Variants in PTPN7 observed in about 807,000 individuals in gnomAD.
PTPN7 encodes the protein protein tyrosine phosphatase non-receptor type 7.
Under a neutral mutation model 50.3 loss-of-function variants are expected in PTPN7, and 33 were observed. That is an observed-to-expected ratio of 0.66 (90% confidence interval 0.50 to 0.88). The LOEUF (loss-of-function observed/expected upper bound fraction) is 0.88. PTPN7 is among the 40% of genes least tolerant of loss of function. The pLI, the probability that PTPN7 is intolerant of heterozygous loss-of-function variation, is 0.00. For missense variants in PTPN7, 412 were observed against 475.4 expected (o/e 0.87, Z 1.24); for synonymous variants, 185 against 186.6 (o/e 0.99, Z 0.07).
Position 202,153,757 on chromosome 1 carries a change from G to A in PTPN7, c.685C>T (p.Pro229Ser), listed in dbSNP as rs750587340. The stretch of plus-strand genomic sequence containing the variant: ...GTGAGCTGCCGCACAGTGTATTCTG[G>A]GCACTCTTTCATGTCCTGGATGCGG... ...QIRIQDMKEC[P>S]EYTVRQLTIQ... is the part of the protein sequence containing the mutation. The change falls in exon 7 of 10, where the codon CCA becomes TCA. Residue 229 changes from proline (P) to serine (S), a missense_variant. Pro to Ser is a moderately conservative substitution (Grantham distance 74). Transcript: ENST00000691036. The A allele has an allele frequency of 4.3e-6, 7 of 1,613,976 alleles. No homozygotes were observed. The South Asian group carries it at 7.7e-5, about 18-fold the overall frequency.
At chr1:202,157,647 C>A in intron 4 of PTPN7, 92 bp downstream of exon 4, 2 of 1,248,790 alleles carry the variant, frequency 1.6e-6, no homozygotes, top group Non-Finnish European at 1.1e-6. Flanking sequence ...CAAGGTTGAT[C>A]TTCCCTGGCT....
At position 202,148,113 on chromosome 1, in the gene PTPN7, C is replaced by A; in HGVS notation, c.*493G>T. On this transcript the variant is annotated 3_prime_UTR_variant, in exon 10 of 10. Transcript: ENST00000691036. Reference sequence around the variant, plus strand: ...TTCTTGCATCTGGCCTGTGCTTGGGCAGGACCTCGGGTGAAGGATGATCTT... The same window carrying A: ...TTCTTGCATCTGGCCTGTGCTTGGGAAGGACCTCGGGTGAAGGATGATCTT... 1 of 152,702 alleles carries A rather than the reference C, an allele frequency of 6.5e-6. No homozygotes were observed. The highest frequency in any genetic ancestry group is 1.5e-5 in the Non-Finnish European group (1 of 68,312). The allele number at this position is 152,702 out of a possible 1,614,324, so 9.5% of individuals were successfully genotyped here. A position where few individuals can be genotyped will look rare whatever the true frequency, so the allele number is the denominator to read the frequency against.
chr1:202,155,402 T>G, intron 5 of PTPN7, 131 bp downstream of exon 5: 1 of 891,548 alleles, frequency 1.1e-6, no homozygotes, highest in South Asian at 1.6e-5. Context: ...GGTAGGGCTA[T>G]GACAGCAGTG....
chr1:202,153,741 C>T lies in PTPN7; in HGVS notation c.701G>A (p.Arg234Gln), dbSNP rs114793093. 247 of 1,613,880 alleles carry T rather than the reference C, an allele frequency of 1.5e-4. No individual in the cohort carries two copies. Among genetic ancestry groups the T allele is most frequent in the Middle Eastern group, 8.3e-4 (5 of 6,046 alleles). ...GGGTGGTACCTGGATGGTGAGCTGC[C>T]GCACAGTGTATTCTGGGCACTCTTT... ...DMKECPEYTVRQLTIQYQEER... is the reference protein window; with the variant it reads ...DMKECPEYTVQQLTIQYQEER... The change falls in exon 7 of 10, where the codon CGG becomes CAG. Residue 234 changes from arginine to glutamine, a missense_variant. Transcript: ENST00000691036.
chr1:202,155,622 A>T lies in PTPN7; in HGVS notation c.392-13T>A. Reference sequence around the variant, plus strand: ...CGGCTCTGGGGATCTAGGAAATAAAAATCAGCAGAGGTCAGAGGTCAGAAG... The same window carrying T: ...CGGCTCTGGGGATCTAGGAAATAAATATCAGCAGAGGTCAGAGGTCAGAAG... On this transcript the variant is annotated splice_polypyrimidine_tract_variant and intron_variant, in intron 4 of 9. Coordinates refer to ENST00000691036, the MANE Select transcript of PTPN7 (RefSeq NM_002832.4). The T allele has an allele frequency of 6.5e-7, 1 of 1,543,288 alleles. No homozygotes were observed. The highest frequency in any genetic ancestry group is 1.1e-5 in the South Asian group (1 of 89,630).
At chr1:202,161,372 A>G (rs763468233), upstream of PTPN7, 1 of 1,250,152 alleles carries the variant, frequency 8.0e-7, no homozygotes, top group South Asian at 1.3e-5. Context: ...CCTGACATCT[A>G]CTTAGAAGAC....
upstream of PTPN7, chr1:202,161,558 C>A: frequency 7.8e-7 from 1 of 1,286,182 alleles, no homozygotes. Flanking sequence ...CCAGCCGGTT[C>A]ATGCTCGCTG....
At chr1:202,151,907 G>A (rs928768357) in intron 8 of PTPN7, among the ~76,000 whole-genome samples, 3 of 152,122 alleles carry the variant, frequency 2.0e-5, no homozygotes, top group Admixed American at 1.3e-4. Context: ...AGCTAACACC[G>A]TGCCTGACAA....
chr1:202,155,555 TA>T lies in PTPN7; in HGVS notation c.445del (p.Tyr149ThrfsTer77). 1 of 1,566,990 alleles carries T rather than the reference TA, an allele frequency of 6.4e-7. No individual in the cohort carries two copies. The highest frequency in any genetic ancestry group is 8.8e-7 in the Non-Finnish European group (1 of 1,137,228). ...CACTCGGATGTAGTTGGCATTGATG[TA>T]ATCTCCGTCCTCCTGGCTCTGTGCC... Reference protein sequence around the residue: ...GRAQSQEDGDYINANYIRGYD... With the variant: ...GRAQSQEDGDXINANYIRGYD... On this transcript the variant is annotated frameshift_variant, in exon 5 of 10. Coordinates refer to ENST00000691036, the MANE Select transcript of PTPN7 (RefSeq NM_002832.4). LOFTEE classifies it high-confidence loss of function.
At chr1:202,156,370 A>G (rs897796668) in intron 4 of PTPN7, among the ~76,000 whole-genome samples, 29 of 152,252 alleles carry the variant, frequency 1.9e-4, no homozygotes, top group Admixed American at 1.9e-3. Context: ...CTAATGGTGA[A>G]TATGGGATTC....
At position 202,160,027 on chromosome 1, in the gene PTPN7, G is replaced by A; in HGVS notation, c.-53+518C>T. On this transcript the variant is annotated intron_variant, in intron 1 of 9. Transcript: ENST00000691036. The surrounding 1 kb of genome is among the most constrained non-coding windows in gnomAD (Gnocchi z 4.8). ...CTCTGTCCAGGGAGGTAGGCTGGAG[G>A]TGTTTCCTTCCTCCTCCTGCCCATC... 1.0e-6 allele frequency: 1 copy of A among 977,450 alleles called. No homozygotes were observed. The highest frequency in any genetic ancestry group is 1.2e-6 in the Non-Finnish European group (1 of 819,080). 60.5% of individuals were successfully genotyped at this position (977,450 alleles called of 1,614,324 possible).
chr1:202,160,564 A>G lies in PTPN7; in HGVS notation c.-72T>C. 1 of 1,549,326 alleles carries G rather than the reference A, an allele frequency of 6.5e-7. No individual in the cohort carries two copies. The highest frequency in any genetic ancestry group is 8.7e-7 in the Non-Finnish European group (1 of 1,146,054). On this transcript the variant is annotated 5_prime_UTR_variant, in exon 1 of 10. Coordinates refer to ENST00000691036, the MANE Select transcript of PTPN7 (RefSeq NM_002832.4). The surrounding 1 kb of genome is among the most constrained non-coding windows in gnomAD (Gnocchi z 4.8). ...ACTTACTGAAGCAGCTGTGGCCCCCAGGCTGCCTCTTGCCAGCTGTCTGTC... is the reference window on the plus strand; with the variant it reads ...ACTTACTGAAGCAGCTGTGGCCCCCGGGCTGCCTCTTGCCAGCTGTCTGTC...
chr1:202,159,625 G>A lies in PTPN7; in HGVS notation c.-52-171C>T. 6.8e-7 allele frequency: 1 copy of A among 1,472,660 alleles called. No homozygotes were observed. Among genetic ancestry groups the A allele is most frequent in the South Asian group, 1.4e-5 (1 of 69,164 alleles). 91.2% of individuals were successfully genotyped at this position (1,472,660 alleles called of 1,614,324 possible). ...ACAGGATCTATTTGGTGGGACCCAG[G>A]GCAGAAGGCAGTCTCGGGGTAGAGT... On this transcript the variant is annotated intron_variant, in intron 1 of 9. Transcript: ENST00000691036. This position sits in a 1 kb window ranked among gnomAD's most constrained non-coding sequence, Gnocchi z 4.6.
At chr1:202,157,541 C>T (rs1656811562) in intron 4 of PTPN7, among the ~76,000 whole-genome samples, 198 bp downstream of exon 4, 1 of 151,974 alleles carries the variant, frequency 6.6e-6, no homozygotes, top group African/African-American at 2.4e-5. Context: ...AGAACAGGGC[C>T]TGGCCCAGGG....
chr1:202,155,126 A>C (rs778169196), intron 5 of PTPN7, among the ~76,000 whole-genome samples: 6 of 152,154 alleles, frequency 3.9e-5, no homozygotes, highest in African/African-American at 1.2e-4. Flanking sequence ...TTCATATAAG[A>C]GGGGCTATCT....
At chr1:202,160,734 TC>T (rs750988282), upstream of PTPN7, 1 of 1,550,218 alleles carries the variant, frequency 6.5e-7, no homozygotes, top group Admixed American at 2.0e-5. This position sits in a 1 kb window ranked among gnomAD's most constrained non-coding sequence, Gnocchi z 4.8. Flanking sequence ...GTCGGCTGCC[TC>T]CCGCCTGTGC....
Position 202,158,168 on chromosome 1 carries a change from C to T in PTPN7, c.256G>A (p.Ala86Thr). 6.2e-7 allele frequency: 1 copy of T among 1,609,574 alleles called. No homozygotes were observed. The highest frequency in any genetic ancestry group is 8.5e-7 in the Non-Finnish European group (1 of 1,178,320). ...GGGCTGGGTGGCTGGCGCTGAAGGG[C>T]CCAGCGGGTAAGGGGGTGTCCAGCA... is the stretch of plus-strand genomic sequence containing the variant. Reference protein sequence around the residue: ...RTAGHPLTRWALQRQPPSPKQ... With the variant: ...RTAGHPLTRWTLQRQPPSPKQ... Residue 86 changes from alanine to threonine, a missense_variant, in exon 3 of 10, where the codon GCC (alanine) becomes ACC (threonine). By Grantham distance (58) the Ala-to-Thr change is moderately conservative. Coordinates refer to ENST00000691036, the MANE Select transcript of PTPN7 (RefSeq NM_002832.4).
At chr1:202,161,565 G>A (rs757136012), upstream of PTPN7, 8 of 1,282,958 alleles carry the variant, frequency 6.2e-6, no homozygotes, top group East Asian at 5.6e-5. Flanking sequence ...GTTCATGCTC[G>A]CTGCACGCCT....
chr1:202,148,926 G>T (rs1236679175), intron 9 of PTPN7, among the ~76,000 whole-genome samples: 2 of 122,428 alleles, frequency 1.6e-5, no homozygotes, highest in East Asian at 5.2e-4. Flanking sequence ...TATGATCTCA[G>T]CTCACTGCAA....
Sources: allele counts gnomAD v4.1 joint callset (sites outside exome capture counted in the v4.1 genomes callset), GRCh38; gene constraint gnomAD v4.1.1; non-coding constraint Gnocchi (gnomAD v3.1); transcripts MANE v1.5; gene names NCBI Gene and HGNC (gene_info 2026-07-23, HGNC 2026-07-21).